CCNH: variants seen among roughly 807,000 people sequenced by gnomAD.
CCNH encodes cyclin-H.
In CCNH, 31 loss-of-function variants were observed where a neutral mutation model predicts 41.9. The observed-to-expected ratio is 0.74, with a 90% CI of 0.56 to 1.00. The LOEUF (loss-of-function observed/expected upper bound fraction) is 1.00. Ranked by LOEUF, CCNH falls within the 50% of genes least tolerant of loss-of-function variation. The pLI, the probability that CCNH is intolerant of heterozygous loss-of-function variation, is 0.00. For synonymous variants in CCNH, 138 were observed against 136.1 expected (o/e 1.01, Z -0.10); for missense variants, 362 against 388.4 (o/e 0.93, Z 0.57).
At chr5:87,333,295 C>G in intron 9 of CCNH, 7 of 1,612,708 alleles carry the variant, frequency 4.3e-6, no homozygotes, top group Non-Finnish European at 5.9e-6. Context: ...CGTGTACGAG[C>G]TATTCTACCT....
chr5:87,397,169 GT>G (rs576576828), intron 7 of CCNH, among the ~76,000 whole-genome samples: 43 of 144,156 alleles, frequency 3.0e-4, no homozygotes, highest in Non-Finnish European at 4.1e-4. Flanking sequence ...TTTTTTTTTT[GT>G]TTTTTTTTTT....
At chr5:87,363,341 TAAACAG>T in intron 9 of CCNH, 1 of 1,596,914 alleles carries the variant, frequency 6.3e-7, no homozygotes, top group Admixed American at 1.7e-5. Context: ...TTTTTTTTTT[TAAACAG>T]GCAAAGGAAA....
At chr5:87,334,044 G>C (rs1757780544) in intron 9 of CCNH, among the ~76,000 whole-genome samples, 1 of 152,054 alleles carries the variant, frequency 6.6e-6, no homozygotes, top group African/African-American at 2.4e-5. Flanking sequence ...GTAACTATGG[G>C]GATCTTTGAG....
chr5:87,397,963 C>G (rs1215426306), intron 7 of CCNH, among the ~76,000 whole-genome samples: 1 of 152,038 alleles, frequency 6.6e-6, no homozygotes, highest in East Asian at 1.9e-4. Flanking sequence ...TCTAAAAACG[C>G]TAATGGGCTG....
chr5:87,385,768 C>T (rs185720267), intron 9 of CCNH, among the ~76,000 whole-genome samples: 1 of 151,630 alleles, frequency 6.6e-6, no homozygotes, highest in Non-Finnish European at 1.5e-5. Flanking sequence ...ATTGTACTAT[C>T]TAAGGATAAT....
At chr5:87,344,418 C>G (rs1758696045) in intron 9 of CCNH, among the ~76,000 whole-genome samples, 1 of 152,076 alleles carries the variant, frequency 6.6e-6, no homozygotes, top group Non-Finnish European at 1.5e-5. Context: ...AAAAAATGAT[C>G]TGTTATCTGG....
At chr5:87,385,411 A>C (rs1362304249) in intron 9 of CCNH, 2 of 1,531,646 alleles carry the variant, frequency 1.3e-6, no homozygotes, top group Admixed American at 1.7e-5. Context: ...TTGATACTTT[A>C]AAATGTAATT....
rs1304616338 is a variant in CCNH at position 87,412,820 on chromosome 5, G to C, written c.-26C>G. ...TATGGAATCGTGACCAGGTCCAGAG[G>C]GTCTGCAGACGAGAACCCAAACGCA... On this transcript the variant is annotated 5_prime_UTR_variant, in exon 1 of 9. Coordinates refer to ENST00000256897, the MANE Select transcript of CCNH (RefSeq NM_001239.4). 1.2e-6 allele frequency: 2 copies of C among 1,607,858 alleles called. No individual in the cohort carries two copies. The highest frequency in any genetic ancestry group is 2.2e-5 in the East Asian group (1 of 44,628).
intron 9 of CCNH, among the ~76,000 whole-genome samples, chr5:87,349,579 C>G (rs1482380903): frequency 6.6e-6 from 1 of 151,804 alleles, no homozygotes. Context: ...CCTTCCAAAA[C>G]AATTTTTGTG....
intron 2 of CCNH, 45 bp downstream of exon 2, chr5:87,411,179 C>T (rs746296601): frequency 3.3e-5 from 51 of 1,545,650 alleles, no homozygotes; most frequent in Non-Finnish European, 4.4e-5. Flanking sequence ...TCAAATTTCA[C>T]AAGCCAACTA....
chr5:87,336,371 G>GA (rs1161035496), intron 9 of CCNH, among the ~76,000 whole-genome samples: 88 of 144,330 alleles, frequency 6.1e-4, no homozygotes, highest in East Asian at 2.2e-3. Flanking sequence ...AGACCAAAAA[G>GA]AAAAAAAAAA....
chr5:87,383,880 C>A, intron 9 of CCNH: 3 of 1,009,020 alleles, frequency 3.0e-6, no homozygotes, highest in Admixed American at 2.2e-5. Context: ...TTTTGATCAT[C>A]CAATTCTAGT....
downstream of CCNH, among the ~76,000 whole-genome samples, chr5:87,387,642 A>G (rs909895161): frequency 2.0e-5 from 3 of 152,126 alleles, no homozygotes; most frequent in Non-Finnish European, 2.9e-5. Flanking sequence ...TGAGGTGTCC[A>G]TGTTCTGTCT....
chr5:87,395,133 T>C (rs753856349), intron 7 of CCNH, 29 bp from the exon 8 acceptor site: 1 of 1,589,996 alleles, frequency 6.3e-7, no homozygotes, highest in East Asian at 2.2e-5. Context: ...CAATAAGCAA[T>C]CCAATACCAG....
At chr5:87,376,176 T>A, downstream of CCNH, 1 of 593,300 alleles carries the variant, frequency 1.7e-6, no homozygotes, top group Non-Finnish European at 3.0e-6. Context: ...AAAGAACACA[T>A]CTCAATCATC....
At chr5:87,404,045 CATAA>C (rs1161108559) in intron 5 of CCNH, among the ~76,000 whole-genome samples, 2 of 152,130 alleles carry the variant, frequency 1.3e-5, no homozygotes, top group African/African-American at 2.4e-5. Context: ...ACAGGCATAT[CATAA>C]ATAAAATATA....
exon 1 of CCNH, chr5:87,376,326 A>G: frequency 6.4e-7 from 1 of 1,571,718 alleles, no homozygotes; most frequent in Non-Finnish European, 8.7e-7. Flanking sequence ...ACACCAGGAA[A>G]ATTTACTTGC....
chr5:87,342,869 A>G (rs1252769953), intron 9 of CCNH, among the ~76,000 whole-genome samples: 1 of 152,190 alleles, frequency 6.6e-6, no homozygotes. Flanking sequence ...GGAATTTTAA[A>G]TTTAAAAATA....
At chr5:87,322,634 G>C (rs1756913591) in intron 9 of CCNH, among the ~76,000 whole-genome samples, 2 of 152,152 alleles carry the variant, frequency 1.3e-5, no homozygotes, top group Admixed American at 6.5e-5. Flanking sequence ...ACTGAAAGCA[G>C]ATTCCAGCAC....
Sources: gnomAD v4.1 joint callset for allele counts (sites outside exome capture counted in the v4.1 genomes callset) on GRCh38, gnomAD v4.1.1 for gene constraint, MANE v1.5 for transcripts, NCBI Gene and HGNC (gene_info 2026-07-23, HGNC 2026-07-21) for gene names.